The following PPP6R1 variants were observed in gnomAD, a reference collection of about 807,000 sequenced individuals.
PPP6R1 encodes protein phosphatase 6 regulatory subunit 1, also known as serine/threonine-protein phosphatase 6 regulatory subunit 1.
A neutral mutation model predicts 104.6 loss-of-function variants in PPP6R1; 39 were observed. The observed-to-expected ratio is 0.37, with a 90% CI of 0.29 to 0.49. The LOEUF (loss-of-function observed/expected upper bound fraction) is 0.49, where lower values mean the gene tolerates loss of function less well. PPP6R1 is among the 20% of genes least tolerant of loss of function. The pLI, the probability that PPP6R1 is intolerant of heterozygous loss-of-function variation, is 0.98. For missense variants in PPP6R1, 1,181 were observed against 1,155.8 expected, an observed-to-expected ratio of 1.02 and a Z score of -0.32; for synonymous variants, 549 against 479.0, an observed-to-expected ratio of 1.15 and a Z score of -1.91.
chr19:55,244,440 G>T (rs1226027656), intron 5 of PPP6R1, among the ~76,000 whole-genome samples: 1 of 152,234 alleles, frequency 6.6e-6, no homozygotes, highest in Admixed American at 6.5e-5. Context: ...AAGGCTGCTG[G>T]ACGGACACTT....
In PPP6R1 at chr19:55,250,039, C is replaced by G. The variant is rs114489489; in HGVS notation, c.-6-2930G>C. Among the ~76,000 whole-genome samples the G allele has an allele frequency of 2.2e-3, 329 of 152,298 alleles. 2 individuals carry two copies. The highest frequency in any genetic ancestry group is 6.7e-3 in the African/African-American group (277 of 41,572). On this transcript the variant is annotated intron_variant, in intron 1 of 23. Transcript: ENST00000412770. ...CTCGCCAGTGCTCCTGGGGCTGCCA[C>G]TTCAGGTGTCTCCTGCACAGCCCGT...
intron 5 of PPP6R1, among the ~76,000 whole-genome samples, chr19:55,244,625 CCTTTCCAGCA>C (rs2087490082): frequency 1.3e-5 from 2 of 152,256 alleles, no homozygotes; most frequent in African/African-American, 4.8e-5. Context: ...ATGAAAAAAA[CCTTTCCAGCA>C]CTTTCGGAGG....
intron 1 of PPP6R1, among the ~76,000 whole-genome samples, chr19:55,257,026 T>C (rs1193992724): frequency 6.8e-6 from 1 of 146,856 alleles, no homozygotes; most frequent in Admixed American, 6.9e-5. Context: ...CAAAAGATCC[T>C]CTAACAATTA....
In PPP6R1 at chr19:55,246,865, T is replaced by C. The variant is rs1423556242; in HGVS notation, c.227+12A>G. On this transcript the variant is annotated intron_variant, in intron 2 of 23. Coordinates refer to ENST00000412770, the MANE Select transcript of PPP6R1 (RefSeq NM_014931.4). ...TGATAGGGACGGGCTGGCCAGGAGC[T>C]GGGGAACTCACTTGTAGCGCAGCCG... The C allele has an allele frequency of 6.4e-6, 10 of 1,572,360 alleles. No homozygotes were observed. Among genetic ancestry groups the C allele is most frequent in the Non-Finnish European group, 7.8e-6 (9 of 1,156,822 alleles).
chr19:55,242,334 CA>C, intron 6 of PPP6R1, 41 bp downstream of exon 6: 1 of 1,612,266 alleles, frequency 6.2e-7, no homozygotes, highest in Non-Finnish European at 8.5e-7. Flanking sequence ...AGGGCTTCCC[CA>C]AGTCAGCTCC....
At chr19:55,244,231 C>T (rs892715562) in intron 5 of PPP6R1, among the ~76,000 whole-genome samples, 1 of 152,168 alleles carries the variant, frequency 6.6e-6, no homozygotes, top group East Asian at 1.9e-4. Flanking sequence ...TAAGCCTGTG[C>T]GCCTCTGAGG....
intron 10 of PPP6R1, 62 bp from the exon 11 acceptor site, chr19:55,240,362 C>T (rs772290666): frequency 8.5e-5 from 127 of 1,495,288 alleles, no homozygotes; most frequent in Non-Finnish European, 1.1e-4. Context: ...GGGAGCTCTG[C>T]ACTGCAGCAG....
chr19:55,253,626 A>G (rs79294871), intron 1 of PPP6R1, among the ~76,000 whole-genome samples: 5,850 of 152,328 alleles, frequency 0.038, 309 homozygotes, highest in African/African-American at 0.12. Flanking sequence ...GAAAGGCTCA[A>G]ATGCAATTGA....
intron 1 of PPP6R1, among the ~76,000 whole-genome samples, chr19:55,253,966 C>T (rs1375645806): frequency 6.6e-6 from 1 of 152,220 alleles, no homozygotes; most frequent in Non-Finnish European, 1.5e-5. Flanking sequence ...AAGCAGGTGG[C>T]CGTGACACAG....
At position 55,242,365 on chromosome 19, in the gene PPP6R1, C is replaced by G. The variant is rs370577242; in HGVS notation, c.731+11G>C. The G allele has an allele frequency of 1.9e-6, 3 of 1,612,478 alleles. No individual in the cohort carries two copies. Among genetic ancestry groups the G allele is most frequent in the Admixed American group, 1.7e-5 (1 of 60,008 alleles). ...AGCTCCCCCCAGCCTTAGCCTTGCC[C>G]GCACACCCACTTCTCCAGGGTGGCC... On this transcript the variant is annotated intron_variant, in intron 6 of 23. Coordinates refer to ENST00000412770, the MANE Select transcript of PPP6R1 (RefSeq NM_014931.4).
At chr19:55,230,964 A>C (rs1413483182) in intron 21 of PPP6R1, 80 bp from the exon 22 acceptor site, 1 of 1,249,236 alleles carries the variant, frequency 8.0e-7, no homozygotes, top group Non-Finnish European at 1.1e-6. Flanking sequence ...ACCCGACTGA[A>C]GTCGGCTCAC....
chr19:55,256,917 C>G (rs544351156), intron 1 of PPP6R1, among the ~76,000 whole-genome samples: 1 of 152,160 alleles, frequency 6.6e-6, no homozygotes, highest in South Asian at 2.1e-4. Flanking sequence ...CTAGATCCAC[C>G]CTCTGAGGAG....
chr19:55,230,476 G>A lies in PPP6R1; in HGVS notation c.*52C>T, dbSNP rs146963629. The A allele has an allele frequency of 1.0e-4, 166 of 1,593,170 alleles. 1 individual carries two copies. The South Asian group carries it at 1.2e-3, about 12-fold the overall frequency. ...GTGGGACCCGCCCTGCCCCCACCCC[G>A]GGAGATCCACGGGAGGACGGAAGAT... On this transcript the variant is annotated 3_prime_UTR_variant, in exon 24 of 24. Coordinates refer to ENST00000412770, the MANE Select transcript of PPP6R1 (RefSeq NM_014931.4).
intron 1 of PPP6R1, among the ~76,000 whole-genome samples, chr19:55,252,954 G>C (rs993946949): frequency 6.6e-6 from 1 of 152,170 alleles, no homozygotes; most frequent in Non-Finnish European, 1.5e-5. Context: ...CCAGGCTCAG[G>C]CCTTGCACTA....
At chr19:55,251,771 A>G (rs1006359150) in intron 1 of PPP6R1, among the ~76,000 whole-genome samples, 2 of 152,180 alleles carry the variant, frequency 1.3e-5, no homozygotes, top group Admixed American at 6.5e-5. Flanking sequence ...GGCTCAGCAA[A>G]GGTGACTCAC....
intron 1 of PPP6R1, among the ~76,000 whole-genome samples, chr19:55,248,824 C>CTG (rs1282756841): frequency 2.0e-5 from 3 of 152,212 alleles, no homozygotes; most frequent in African/African-American, 7.2e-5. Context: ...CACACATGGC[C>CTG]TCAGGCAGGT....
chr19:55,235,433 C>G (rs987091248), intron 17 of PPP6R1, among the ~76,000 whole-genome samples: 1 of 151,948 alleles, frequency 6.6e-6, no homozygotes, highest in Non-Finnish European at 1.5e-5. Context: ...ACACACAGAC[C>G]AAGCCATACC....
chr19:55,236,710 C>T lies in PPP6R1; in HGVS notation c.1921G>A (p.Glu641Lys). 1.2e-6 allele frequency: 2 copies of T among 1,613,006 alleles called. No individual in the cohort carries two copies. Among genetic ancestry groups the T allele is most frequent in the Non-Finnish European group, 8.5e-7 (1 of 1,179,462 alleles). ...EAQGSGESDG[E>K]DGAWQGSQLA... Reference sequence around the variant, plus strand: ...TGGCTGCCCTGCCAGGCGCCATCTTCTCCATCAGACTCCCCTGAGCCCTGG... The same window carrying T: ...TGGCTGCCCTGCCAGGCGCCATCTTTTCCATCAGACTCCCCTGAGCCCTGG... Residue 641 changes from glutamate (E) to lysine (K), a missense_variant, in exon 17 of 24, where the codon GAA becomes AAA. Physicochemically the swap from Glu to Lys is moderately conservative, Grantham distance 56. This residue lies in a region of PPP6R1 where 1,042 missense variants were observed against 955.6 expected (regional missense o/e 1.09). Coordinates refer to ENST00000412770, the MANE Select transcript of PPP6R1 (RefSeq NM_014931.4).
chr19:55,241,195 C>T lies in PPP6R1; in HGVS notation c.1161+44G>A, dbSNP rs1372903213. On this transcript the variant is annotated intron_variant, in intron 9 of 23. Transcript: ENST00000412770. The surrounding 1 kb of genome is among the most constrained non-coding windows in gnomAD (Gnocchi z 5.4). ...CCCGAACCCTCAGCCCAGTCCAGTCCCCGCCCCAGCCCCTGAACCCCCAGC... is the reference window on the plus strand; with the variant it reads ...CCCGAACCCTCAGCCCAGTCCAGTCTCCGCCCCAGCCCCTGAACCCCCAGC... The T allele has an allele frequency of 4.0e-6, 6 of 1,493,936 alleles. No homozygotes were observed. In the South Asian group the frequency reaches 5.2e-5, roughly 13 times the overall value. The allele number at this position is 1,493,936 out of a possible 1,614,324, so 92.5% of individuals were successfully genotyped here. A position where few individuals can be genotyped will look rare whatever the true frequency, so the allele number is the denominator to read the frequency against.
Sources: gnomAD v4.1 joint callset for allele counts (sites outside exome capture counted in the v4.1 genomes callset) on GRCh38, gnomAD v4.1.1 for gene constraint, gnomAD v4.1.1 regional missense constraint, Gnocchi (gnomAD v3.1) non-coding constraint, MANE v1.5 for transcripts, NCBI Gene and HGNC (gene_info 2026-07-23, HGNC 2026-07-21) for gene names.